Variants in DMTF1 observed in about 807,000 individuals in gnomAD.
The protein encoded by DMTF1 is cyclin D binding myb like transcription factor 1, also known as cyclin-D-binding Myb-like transcription factor 1.
A neutral mutation model predicts 91.1 loss-of-function variants in DMTF1; 39 were observed. The observed-to-expected ratio is 0.43, with a 90% CI of 0.33 to 0.56. The LOEUF (loss-of-function observed/expected upper bound fraction) is 0.56. Among genes scored for constraint, DMTF1 ranks in the 20% least tolerant of loss-of-function variants. The pLI is 0.05. For synonymous variants in DMTF1, 338 were observed against 309.5 expected, an observed-to-expected ratio of 1.09 and a Z score of -0.97; for missense variants, 750 against 914.5, an observed-to-expected ratio of 0.82 and a Z score of 2.32.
In DMTF1 at chr7:87,194,700, C is replaced by CTATAGAAGA; in HGVS notation, c.2046_2054dup (p.Glu684_Glu685insAspIleGlu). 1 of 1,607,980 alleles carries CTATAGAAGA rather than the reference C, an allele frequency of 6.2e-7. No individual in the cohort carries two copies. ...GTTATTTAGGGTTTAGAGTCTCCCA[C>CTATAGAAGA]TATAGAAGAACAAGTTGATCAAACA... On this transcript the variant is annotated inframe_insertion, in exon 17 of 18. Coordinates refer to ENST00000331242, the MANE Select transcript of DMTF1 (RefSeq NM_001142327.2).
chr7:87,175,031 T>G (rs929039702), intron 7 of DMTF1, among the ~76,000 whole-genome samples: 18 of 151,622 alleles, frequency 1.2e-4, no homozygotes, highest in Non-Finnish European at 1.5e-5. Context: ...TTTGTTTTTT[T>G]TTTTTTTGAG....
intron 3 of DMTF1, among the ~76,000 whole-genome samples, chr7:87,165,638 C>T (rs1339578217): frequency 2.6e-5 from 4 of 152,206 alleles, no homozygotes; most frequent in Admixed American, 2.0e-4. Flanking sequence ...AAAGATGACT[C>T]AGAATCTGTC....
At chr7:87,170,676 G>GT (rs1159692613) in intron 4 of DMTF1, among the ~76,000 whole-genome samples, 2 of 152,038 alleles carry the variant, frequency 1.3e-5, no homozygotes, top group Admixed American at 1.3e-4. Context: ...TTCCTGTTAG[G>GT]TTTTTTCTCA....
At chr7:87,170,706 G>A (rs927021889) in intron 4 of DMTF1, among the ~76,000 whole-genome samples, 1 of 152,018 alleles carries the variant, frequency 6.6e-6, no homozygotes, top group African/African-American at 2.4e-5. Flanking sequence ...ACCATCCAAC[G>A]TAGTATCTTG....
rs1041199606 is a variant in DMTF1, at chr7:87,152,509, G to T, written c.-178G>T. On this transcript the variant is annotated 5_prime_UTR_variant, in exon 1 of 18. Coordinates refer to ENST00000331242, the MANE Select transcript of DMTF1 (RefSeq NM_001142327.2). ...GCTTCCTCCATCCTGGTATTTTTTGGAGCTTCCATCCTGGTTCTTCCAAAG... is the reference window on the plus strand; with the variant it reads ...GCTTCCTCCATCCTGGTATTTTTTGTAGCTTCCATCCTGGTTCTTCCAAAG... The T allele has an allele frequency of 1.3e-5, 2 of 152,812 alleles. No individual in the cohort carries two copies. The highest frequency in any genetic ancestry group is 4.8e-5 in the African/African-American group (2 of 41,466). The allele number at this position is 152,812 out of a possible 1,614,324, so 9.5% of individuals were successfully genotyped here.
intron 13 of DMTF1, among the ~76,000 whole-genome samples, chr7:87,190,058 T>TTC (rs1799394253): frequency 6.6e-6 from 1 of 152,068 alleles, no homozygotes; most frequent in Non-Finnish European, 1.5e-5. Context: ...AAATCATATT[T>TTC]CACATAATTT....
At position 87,194,031 on chromosome 7, in the gene DMTF1, G is replaced by A; in HGVS notation, c.1957G>A (p.Glu653Lys). ...LMNSVMVRTEEEISDTDLKQE... is the reference protein window; with the variant it reads ...LMNSVMVRTEKEISDTDLKQE... ...GAATAGTGTTATGGTCAGAACAGAA[G>A]AAGAAATCTCTGACACCGACCTTAA... Residue 653 changes from glutamate to lysine, a missense_variant, in exon 16 of 18, where the codon GAA becomes AAA. Transcript: ENST00000331242. 1 of 1,612,858 alleles carries A rather than the reference G, an allele frequency of 6.2e-7. No homozygotes were observed. The highest frequency in any genetic ancestry group is 8.5e-7 in the Non-Finnish European group (1 of 1,179,440).
At chr7:87,164,491 A>G (rs1162660378) in intron 2 of DMTF1, among the ~76,000 whole-genome samples, 1 of 152,224 alleles carries the variant, frequency 6.6e-6, no homozygotes, top group Non-Finnish European at 1.5e-5. Context: ...CAGATAATAG[A>G]GCTTAAATAC....
At chr7:87,185,484 A>G (rs1798207176) in intron 11 of DMTF1, among the ~76,000 whole-genome samples, 1 of 152,234 alleles carries the variant, frequency 6.6e-6, no homozygotes, top group Non-Finnish European at 1.5e-5. Context: ...GACTTAGTAA[A>G]TGCCACACTA....
chr7:87,179,482 G>A (rs1311494726), intron 7 of DMTF1, 63 bp from the exon 8 acceptor site: 58 of 1,338,114 alleles, frequency 4.3e-5, no homozygotes, highest in Non-Finnish European at 5.4e-5. Flanking sequence ...AATTTTAAAA[G>A]CATAGTATAT....
chr7:87,171,259 A>G (rs1795011212), intron 5 of DMTF1, among the ~76,000 whole-genome samples, 170 bp downstream of exon 5: 1 of 151,952 alleles, frequency 6.6e-6, no homozygotes, highest in Non-Finnish European at 1.5e-5. Flanking sequence ...TTTTGTTTTG[A>G]TTACTGCCAA....
At chr7:87,175,422 T>C (rs1479485334) in intron 7 of DMTF1, among the ~76,000 whole-genome samples, 2 of 152,238 alleles carry the variant, frequency 1.3e-5, no homozygotes, top group African/African-American at 4.8e-5. Context: ...TTATTTCTTA[T>C]TAGCTTAGTA....
chr7:87,180,536 A>C (rs1308261984), intron 8 of DMTF1, among the ~76,000 whole-genome samples: 1 of 152,226 alleles, frequency 6.6e-6, no homozygotes, highest in Non-Finnish European at 1.5e-5. Context: ...AATAAAGAGC[A>C]AGAGTATGTC....
chr7:87,184,556 A>G lies in DMTF1; in HGVS notation c.980A>G (p.Asn327Ser), dbSNP rs1798012085. Reference sequence around the variant, plus strand: ...AAGCAATGTCGTTCTAAATGGCTCAACTACCTGAATTGGAAACAGAGTGGG... The same window carrying G: ...AAGCAATGTCGTTCTAAATGGCTCAGCTACCTGAATTGGAAACAGAGTGGG... ...SEKQCRSKWL[N>S]YLNWKQSGGT... Residue 327 changes from asparagine (N) to serine (S), a missense_variant, in exon 11 of 18, where the codon AAC (asparagine) becomes AGC (serine). Around this residue, in one of 3 missense-constraint regions of DMTF1, gnomAD observed 190 missense variants for 343.8 expected, o/e 0.55. Transcript: ENST00000331242. 2 of 1,614,070 alleles carry G rather than the reference A, an allele frequency of 1.2e-6. No homozygotes were observed. Among genetic ancestry groups the G allele is most frequent in the Non-Finnish European group, 1.7e-6 (2 of 1,179,966 alleles).
chr7:87,157,128 AC>A (rs1483738100), intron 1 of DMTF1, among the ~76,000 whole-genome samples: 1 of 152,108 alleles, frequency 6.6e-6, no homozygotes, highest in African/African-American at 2.4e-5. Flanking sequence ...GGAGAAAAAA[AC>A]ATCTGAAAAC....
At chr7:87,166,077 C>T (rs1003367685) in intron 3 of DMTF1, among the ~76,000 whole-genome samples, 1 of 152,164 alleles carries the variant, frequency 6.6e-6, no homozygotes, top group Non-Finnish European at 1.5e-5. Flanking sequence ...CCATAGGCCC[C>T]AGTCATTTCT....
intron 5 of DMTF1, among the ~76,000 whole-genome samples, chr7:87,172,477 G>GAC (rs1363556696): frequency 6.6e-6 from 1 of 152,176 alleles, no homozygotes; most frequent in Non-Finnish European, 1.5e-5. Context: ...GTTGTCCACT[G>GAC]ACAGCTTACC....
chr7:87,179,845 T>A, intron 8 of DMTF1, 143 bp downstream of exon 8: 2 of 709,884 alleles, frequency 2.8e-6, no homozygotes, highest in Non-Finnish European at 4.3e-6. Flanking sequence ...GTTGTGAATA[T>A]GGTGAAACCT....
intron 4 of DMTF1, among the ~76,000 whole-genome samples, chr7:87,167,684 A>C (rs1358918275): frequency 6.6e-6 from 1 of 152,196 alleles, no homozygotes; most frequent in Non-Finnish European, 1.5e-5. Context: ...TTAATTGAAA[A>C]ACAGTGTTAA....
Sources: gnomAD v4.1 joint callset for allele counts (sites outside exome capture counted in the v4.1 genomes callset) on GRCh38, gnomAD v4.1.1 for gene constraint, gnomAD v4.1.1 regional missense constraint, MANE v1.5 for transcripts, NCBI Gene and HGNC (gene_info 2026-07-23, HGNC 2026-07-21) for gene names.